ACSS3: variants seen among roughly 807,000 people sequenced by gnomAD.
The protein encoded by ACSS3 is acyl-CoA synthetase short-chain family member 3, mitochondrial.
ACSS3 carries 64 observed loss-of-function variants against 84.2 expected under a neutral mutation model. That is an observed-to-expected ratio of 0.76 (90% CI 0.62 to 0.94). The LOEUF (loss-of-function observed/expected upper bound fraction) is 0.94. Ranked by LOEUF, ACSS3 falls within the 40% of genes least tolerant of loss-of-function variation. ACSS3 has a pLI of 0.00. For synonymous variants in ACSS3, 317 were observed against 310.1 expected (o/e 1.02, Z -0.23); for missense variants, 815 against 867.6 (o/e 0.94, Z 0.76).
rs879584637 is a variant in ACSS3, at chr12:81,156,214, C to A, written c.1098+4118C>A. Reference sequence around the variant, plus strand: ...CACACACACACACACACACCCCACACACACACACACACACACGTCTCTGGG... The same window carrying A: ...CACACACACACACACACACCCCACAAACACACACACACACACGTCTCTGGG... On this transcript the variant is annotated intron_variant, in intron 7 of 15. Coordinates refer to ENST00000548058, the MANE Select transcript of ACSS3 (RefSeq NM_024560.4). 7.5e-4 allele frequency among the ~76,000 whole-genome samples: 113 copies of A among 151,540 alleles called. 1 individual carries two copies. Among genetic ancestry groups the A allele is most frequent in the Admixed American group, 2.8e-3 (43 of 15,198 alleles).
At chr12:81,221,220 A>G (rs2033094831) in intron 11 of ACSS3, among the ~76,000 whole-genome samples, 1 of 152,080 alleles carries the variant, frequency 6.6e-6, no homozygotes, top group South Asian at 2.1e-4. Context: ...TGAAAGAGAG[A>G]TTGCTTTAGT....
chr12:81,235,149 G>T (rs1257833817), intron 13 of ACSS3, among the ~76,000 whole-genome samples: 1 of 151,286 alleles, frequency 6.6e-6, no homozygotes, highest in East Asian at 1.9e-4. Flanking sequence ...GTGGATGCCA[G>T]TTGTTCCAGC....
chr12:81,089,947 G>C (rs1156752372), intron 1 of ACSS3, among the ~76,000 whole-genome samples: 4 of 151,974 alleles, frequency 2.6e-5, no homozygotes, highest in African/African-American at 9.7e-5. Context: ...CAACCCAGTT[G>C]GGTCACACTG....
intron 1 of ACSS3, among the ~76,000 whole-genome samples, chr12:81,094,182 C>CTG (rs1461559245): frequency 3.0e-3 from 379 of 124,596 alleles, no homozygotes; most frequent in Admixed American, 5.4e-3. Flanking sequence ...CTGTCTCTCT[C>CTG]TCTGTGTGTG....
chr12:81,231,004 CT>C, intron 11 of ACSS3, 52 bp from the exon 12 acceptor site: 1 of 1,334,108 alleles, frequency 7.5e-7, no homozygotes, highest in Non-Finnish European at 1.1e-6. Flanking sequence ...TCTAATCAAC[CT>C]GTCTTTATTA....
chr12:81,192,104 G>A (rs1000502564), intron 8 of ACSS3, among the ~76,000 whole-genome samples: 10 of 152,050 alleles, frequency 6.6e-5, no homozygotes, highest in South Asian at 2.1e-4. Flanking sequence ...TATTTTGGCC[G>A]GGTGCGGTGG....
At chr12:81,178,651 CAAAT>C (rs990972929) in intron 8 of ACSS3, among the ~76,000 whole-genome samples, 1 of 151,934 alleles carries the variant, frequency 6.6e-6, no homozygotes, top group Non-Finnish European at 1.5e-5. Flanking sequence ...AGTGATGACA[CAAAT>C]GAATGGAAAA....
intron 8 of ACSS3, among the ~76,000 whole-genome samples, chr12:81,197,278 G>A (rs532319519): frequency 1.4e-4 from 22 of 151,950 alleles, no homozygotes; most frequent in Non-Finnish European, 2.6e-4. Context: ...TTTTTCAATC[G>A]CTGTTTAAAA....
At chr12:81,138,090 G>A (rs1171863064) in intron 3 of ACSS3, among the ~76,000 whole-genome samples, 1 of 152,040 alleles carries the variant, frequency 6.6e-6, no homozygotes, top group Non-Finnish European at 1.5e-5. Flanking sequence ...ACCTTTCCTA[G>A]ATGAAATGTA....
At chr12:81,146,229 T>C (rs1319572992) in intron 5 of ACSS3, among the ~76,000 whole-genome samples, 2 of 152,180 alleles carry the variant, frequency 1.3e-5, no homozygotes, top group African/African-American at 4.8e-5. Flanking sequence ...TGTTGAATGA[T>C]CTCTTACTTC....
At chr12:81,231,437 G>A (rs933664478) in intron 12 of ACSS3, among the ~76,000 whole-genome samples, 3 of 151,470 alleles carry the variant, frequency 2.0e-5, no homozygotes, top group Non-Finnish European at 4.4e-5. Context: ...ATGTTTTTTG[G>A]ACTTTCTGTA....
rs371715365 is a variant in ACSS3, at chr12:81,230,132, T to C, written c.1515-925T>C. On this transcript the variant is annotated intron_variant, in intron 11 of 15. Transcript: ENST00000548058. ...TGAGAACTACGAATTTACAACTCCA[T>C]TTAGTATGTTTTTATTGTGTAAATG... Among the ~76,000 whole-genome samples, 114 of 151,992 alleles carry C rather than the reference T, an allele frequency of 7.5e-4. 2 individuals carry two copies. The highest frequency in any genetic ancestry group is 2.7e-3 in the African/African-American group (112 of 41,502).
chr12:81,159,069 A>G (rs772184716), intron 7 of ACSS3, among the ~76,000 whole-genome samples: 2 of 152,210 alleles, frequency 1.3e-5, no homozygotes, highest in Non-Finnish European at 2.9e-5. Context: ...TTTTTCTATC[A>G]ATGAGTAAGA....
At chr12:81,235,343 A>G (rs1053884011) in intron 13 of ACSS3, among the ~76,000 whole-genome samples, 5 of 151,140 alleles carry the variant, frequency 3.3e-5, no homozygotes, top group Non-Finnish European at 7.4e-5. Flanking sequence ...AATATAATTG[A>G]TCTACATTAT....
chr12:81,257,836 C>T lies in ACSS3; in HGVS notation c.*2914C>T, dbSNP rs930170916. The T allele has an allele frequency of 1.1e-4, 16 of 151,864 alleles. No individual in the cohort carries two copies. The highest frequency in any genetic ancestry group is 9.2e-4 in the Admixed American group (14 of 15,240). The allele number at this position is 151,864 out of a possible 1,614,324, so 9.4% of individuals were successfully genotyped here. A position where few individuals can be genotyped will look rare whatever the true frequency, so the allele number is the denominator to read the frequency against. ...CTTATAAATTAAAACATATTTTATG[C>T]TTCTTTTTTGAGGGAAATACCTGGA... On this transcript the variant is annotated 3_prime_UTR_variant, in exon 16 of 16. Transcript: ENST00000548058.
intron 5 of ACSS3, among the ~76,000 whole-genome samples, chr12:81,145,328 T>C (rs1886290600): frequency 6.6e-6 from 1 of 152,148 alleles, no homozygotes. Context: ...TGAGACAATC[T>C]ATTTCAATAA....
intron 4 of ACSS3, 58 bp downstream of exon 4, chr12:81,139,323 GTTT>G: frequency 6.4e-7 from 1 of 1,569,776 alleles, no homozygotes; most frequent in South Asian, 1.1e-5. Flanking sequence ...AATGAGTTTA[GTTT>G]TTACCATTTA....
At chr12:81,151,743 A>G (rs753811038) in intron 5 of ACSS3, 101 bp from the exon 6 acceptor site, 3 of 982,480 alleles carry the variant, frequency 3.1e-6, no homozygotes, top group Non-Finnish European at 4.5e-6. Flanking sequence ...GCTAATATAT[A>G]AAATACTTTT....
At chr12:81,112,155 A>T (rs1396187060) in intron 2 of ACSS3, among the ~76,000 whole-genome samples, 5 of 152,174 alleles carry the variant, frequency 3.3e-5, no homozygotes, top group African/African-American at 1.2e-4. Context: ...TTGCATTTTC[A>T]TCTTAGAAGA....
Sources: allele counts gnomAD v4.1 joint callset (sites outside exome capture counted in the v4.1 genomes callset), GRCh38; gene constraint gnomAD v4.1.1; transcripts MANE v1.5; gene names NCBI Gene and HGNC (gene_info 2026-07-23, HGNC 2026-07-21).